Variants in CSHL1 observed in about 807,000 individuals in gnomAD.
CSHL1 encodes the protein chorionic somatomammotropin hormone-like 1.
CSHL1 carries 25 observed loss-of-function variants against 24.3 expected under a neutral mutation model. The observed-to-expected ratio is 1.03, with a 90% CI of 0.75 to 1.44. CSHL1 has a LOEUF of 1.44. Among genes scored for constraint, CSHL1 ranks in the 40% most tolerant of loss-of-function variants. The pLI is 0.00. For missense variants in CSHL1, 342 were observed against 279.3 expected (o/e 1.22, Z -1.60); for synonymous variants, 157 against 115.6 (o/e 1.36, Z -2.30).
intron 4 of CSHL1, 32 bp from the exon 5 acceptor site, chr17:63,909,940 A>G (rs775790170): frequency 6.2e-7 from 1 of 1,614,000 alleles, no homozygotes; most frequent in Non-Finnish European, 8.5e-7. Context: ...GGAGAGACCA[A>G]GCGCTTGGGC....
chr17:63,910,031 G>T (rs189440194), intron 4 of CSHL1, 123 bp from the exon 5 acceptor site: 1 of 1,613,844 alleles, frequency 6.2e-7, no homozygotes, highest in African/African-American at 1.3e-5. Context: ...ATTCACGAGG[G>T]GAAATGAAGA....
At position 63,909,922 on chromosome 17, in the gene CSHL1, C is replaced by G. The variant is rs61762518; in HGVS notation, c.472-14G>C. 5.0e-3 allele frequency: 8,047 copies of G among 1,613,940 alleles called. 306 individuals carry two copies. In the African/African-American group the frequency reaches 0.088, roughly 18 times the overall value. ...GTCTTCCAGCCTCTGCAAAGTGAAG[C>G]AAGAGAAGGAGAGACCAAGCGCTTG... On this transcript the variant is annotated splice_polypyrimidine_tract_variant and intron_variant, in intron 4 of 4. Transcript: ENST00000309894.
intron 4 of CSHL1, 36 bp from the exon 5 acceptor site, chr17:63,909,944 C>T (rs1435975878): frequency 6.2e-7 from 1 of 1,613,900 alleles, no homozygotes; most frequent in Non-Finnish European, 8.5e-7. Flanking sequence ...AGACCAAGCG[C>T]TTGGGCACTG....
At position 63,909,776 on chromosome 17, in the gene CSHL1, C is replaced by G; in HGVS notation, c.604G>C (p.Asp202His). Reference protein sequence around the residue: ...GLLHCFRKDMDKVETFLRMVQ... With the variant: ...GLLHCFRKDMHKVETFLRMVQ... ...ATGCGCAGGAATGTCTCGACCTTGT[C>G]CATGTCCTTCCTGAAGCAGTGGAGC... Residue 202 changes from aspartate (D) to histidine (H), a missense_variant, in exon 5 of 5, where the codon GAC becomes CAC. Asp to His is a moderately conservative substitution (Grantham distance 81). Coordinates refer to ENST00000309894, the MANE Select transcript of CSHL1 (RefSeq NM_022579.3). The G allele has an allele frequency of 1.9e-6, 3 of 1,614,064 alleles. No homozygotes were observed. The highest frequency in any genetic ancestry group is 2.5e-6 in the Non-Finnish European group (3 of 1,179,980).
In CSHL1 at chr17:63,910,267, C is replaced by T. The variant is rs1390757009; in HGVS notation, c.366G>A (p.Arg122=). 5 of 1,614,114 alleles carry T rather than the reference C, an allele frequency of 3.1e-6. No homozygotes were observed. Among genetic ancestry groups the T allele is most frequent in the Non-Finnish European group, 4.2e-6 (5 of 1,180,002 alleles). The change falls in exon 4 of 5, where the codon CGG becomes CGA. Residue 122 remains arginine, a synonymous_variant. Coordinates refer to ENST00000309894, the MANE Select transcript of CSHL1 (RefSeq NM_022579.3). ...TGTTGGTGAAGGTACTCCTGAGGAACCGCACGGGCTCCAGCCGCGACTCGA... is the reference window on the plus strand; with the variant it reads ...TGTTGGTGAAGGTACTCCTGAGGAATCGCACGGGCTCCAGCCGCGACTCGA... ...LLIESRLEPV[R]FLRSTFTNNL... is the part of the protein sequence containing the mutation.
chr17:63,909,657 C>G lies in CSHL1; in HGVS notation c.*54G>C. 9 of 1,613,504 alleles carry G rather than the reference C, an allele frequency of 5.6e-6. No homozygotes were observed. Among genetic ancestry groups the G allele is most frequent in the Non-Finnish European group, 7.6e-6 (9 of 1,179,570 alleles). On this transcript the variant is annotated 3_prime_UTR_variant, in exon 5 of 5. Coordinates refer to ENST00000309894, the MANE Select transcript of CSHL1 (RefSeq NM_022579.3). Reference sequence around the variant, plus strand: ...AAGGCTGGTGGGCACTGGAGTGGCACCTTCAGGGCCAGGAGAGGCACTGGG... The same window carrying G: ...AAGGCTGGTGGGCACTGGAGTGGCAGCTTCAGGGCCAGGAGAGGCACTGGG...
chr17:63,910,015 T>G, intron 4 of CSHL1, 107 bp from the exon 5 acceptor site: 1 of 1,613,968 alleles, frequency 6.2e-7, no homozygotes, highest in Non-Finnish European at 8.5e-7. Flanking sequence ...GAGAAAGGCC[T>G]GGAGGATTCA....
intron 1 of CSHL1, 93 bp downstream of exon 1, chr17:63,911,094 C>T: frequency 1.2e-6 from 2 of 1,611,768 alleles, no homozygotes; most frequent in East Asian, 2.2e-5. Context: ...TTCAGAAGCC[C>T]CAAACCTGAG....
Position 63,910,046 on chromosome 17 carries a change from G to A in CSHL1, c.471+116C>T, listed in dbSNP as rs780254684. The A allele has an allele frequency of 5.6e-6, 9 of 1,614,144 alleles. No homozygotes were observed. In the East Asian group the frequency reaches 2.0e-4, roughly 36 times the overall value. ...ATTCACGAGGGGAAATGAAGAATAAGGTGAGTTCTCTTGGGTCAGCGCCTG... is the reference window on the plus strand; with the variant it reads ...ATTCACGAGGGGAAATGAAGAATAAAGTGAGTTCTCTTGGGTCAGCGCCTG... On this transcript the variant is annotated intron_variant, in intron 4 of 4. Coordinates refer to ENST00000309894, the MANE Select transcript of CSHL1 (RefSeq NM_022579.3).
Position 63,911,041 on chromosome 17 carries a change from CAG to C in CSHL1, c.11-119_11-118del, listed in dbSNP as rs554438252. On this transcript the variant is annotated intron_variant, in intron 1 of 4. Coordinates refer to ENST00000309894, the MANE Select transcript of CSHL1 (RefSeq NM_022579.3). The stretch of plus-strand genomic sequence containing the variant: ...CATCCCTCCAGGGACCAGGAACATT[CAG>C]AGATTGGCCAAATATCTGGCCTTAG... 137 of 1,610,608 alleles carry C rather than the reference CAG, an allele frequency of 8.5e-5. 3 individuals are homozygous for C. In the South Asian group the frequency reaches 1.4e-3, roughly 16 times the overall value.
At position 63,910,213 on chromosome 17, in the gene CSHL1, A is replaced by G; in HGVS notation, c.420T>C (p.Asp140=). Residue 140 remains aspartate (D), a synonymous_variant, in exon 4 of 5, where the codon GAT becomes GAC. Transcript: ENST00000309894. Reference sequence around the variant, plus strand: ...CTAGGTCCTTTAGGAGGTGATAGTCATCGCTGTCCGAGGTGTCATACACCA... The same window carrying G: ...CTAGGTCCTTTAGGAGGTGATAGTCGTCGCTGTCCGAGGTGTCATACACCA... The part of the protein sequence containing the change: ...NNLVYDTSDS[D]DYHLLKDLEE... 1 of 1,614,070 alleles carries G rather than the reference A, an allele frequency of 6.2e-7. No individual in the cohort carries two copies. The highest frequency in any genetic ancestry group is 8.5e-7 in the Non-Finnish European group (1 of 1,180,022).
Position 63,910,310 on chromosome 17 carries a change from T to C in CSHL1, c.323A>G (p.His108Arg), listed in dbSNP as rs151233360. 111 of 1,614,100 alleles carry C rather than the reference T, an allele frequency of 6.9e-5. No homozygotes were observed. Among genetic ancestry groups the C allele is most frequent in the South Asian group, 4.4e-4 (40 of 91,076 alleles). Residue 108 changes from histidine to arginine, a missense_variant, in exon 4 of 5, where the codon CAC becomes CGC. Coordinates refer to ENST00000309894, the MANE Select transcript of CSHL1 (RefSeq NM_022579.3). Reference sequence around the variant, plus strand: ...CGACTCGATGAGCAGCAGGGAGATGTGGAGCAGCTCTAAGTTCTGCAGGGG... The same window carrying C: ...CGACTCGATGAGCAGCAGGGAGATGCGGAGCAGCTCTAAGTTCTGCAGGGG... ...TQQKSNLELL[H>R]ISLLLIESRL...
rs1369260596 is a variant in CSHL1, at chr17:63,910,841, A to G, written c.94T>C (p.Leu32=). Residue 32 remains leucine, a synonymous_variant, in exon 2 of 5, where the codon TTA becomes CTA. Coordinates refer to ENST00000309894, the MANE Select transcript of CSHL1 (RefSeq NM_022579.3). ...ATAGCCTCTTTAAAAAGCCTGGATA[A>G]GGGAACGGTTTGGACGGCACCAGCC... ...QEAGAVQTVP[L]SRLFKEAMLQ... The G allele has an allele frequency of 3.7e-6, 6 of 1,614,048 alleles. No individual in the cohort carries two copies. Among genetic ancestry groups the G allele is most frequent in the African/African-American group, 1.3e-5 (1 of 74,914 alleles).
In CSHL1 at chr17:63,910,994, C is replaced by G. The variant is rs563777941; in HGVS notation, c.11-70G>C. On this transcript the variant is annotated intron_variant, in intron 1 of 4. Coordinates refer to ENST00000309894, the MANE Select transcript of CSHL1 (RefSeq NM_022579.3). ...GCCAGCACTCTCCCTGTTCCAGGAG[C>G]TGTTTTCTTTTTCTCTCTCTCCATC... 1.0e-4 allele frequency: 161 copies of G among 1,611,172 alleles called. 5 individuals carry two copies. The African/African-American group carries it at 1.5e-3, about 15-fold the overall frequency.
Position 63,910,840 on chromosome 17 carries a change from A to G in CSHL1, c.95T>C (p.Leu32Ser). The G allele has an allele frequency of 6.2e-7, 1 of 1,614,122 alleles. No individual in the cohort carries two copies. The highest frequency in any genetic ancestry group is 1.3e-5 in the African/African-American group (1 of 75,028). ...QEAGAVQTVP[L>S]SRLFKEAMLQ... Reference sequence around the variant, plus strand: ...CATAGCCTCTTTAAAAAGCCTGGATAAGGGAACGGTTTGGACGGCACCAGC... The same window carrying G: ...CATAGCCTCTTTAAAAAGCCTGGATGAGGGAACGGTTTGGACGGCACCAGC... The change falls in exon 2 of 5, where the codon TTA becomes TCA. Residue 32 changes from leucine to serine, a missense_variant. Leu to Ser is a moderately radical substitution (Grantham distance 145, BLOSUM62 -2). Coordinates refer to ENST00000309894, the MANE Select transcript of CSHL1 (RefSeq NM_022579.3).
In CSHL1 at chr17:63,909,708, C is replaced by A; in HGVS notation, c.*3G>T. On this transcript the variant is annotated 3_prime_UTR_variant, in exon 5 of 5. Coordinates refer to ENST00000309894, the MANE Select transcript of CSHL1 (RefSeq NM_022579.3). Reference sequence around the variant, plus strand: ...GAGGGGTCACAGGATGCCACGCGGGCCCCTAGAAGCCACAGCTGCCCTCCA... The same window carrying A: ...GAGGGGTCACAGGATGCCACGCGGGACCCTAGAAGCCACAGCTGCCCTCCA... 1 of 1,614,130 alleles carries A rather than the reference C, an allele frequency of 6.2e-7. No individual in the cohort carries two copies.
rs373948204 is a variant in CSHL1, at chr17:63,910,946, A to AT, written c.11-23_11-22insA. The AT allele has an allele frequency of 1.3e-3, 2,127 of 1,611,906 alleles. 26 individuals are homozygous for AT. Among genetic ancestry groups the AT allele is most frequent in the Non-Finnish European group, 1.6e-3 (1,900 of 1,179,818 alleles). ...GAGCCTGGGGAGAAACCGGAGGGCAAGAAGGGAGCCGCAGAGCAAGAGGCC... is the reference window on the plus strand; with the variant it reads ...GAGCCTGGGGAGAAACCGGAGGGCAATGAAGGGAGCCGCAGAGCAAGAGGCC... On this transcript the variant is annotated intron_variant, in intron 1 of 4. Transcript: ENST00000309894.
intron 4 of CSHL1, 22 bp downstream of exon 4, chr17:63,910,140 G>C (rs752057567): frequency 9.9e-6 from 16 of 1,614,048 alleles, no homozygotes; most frequent in Admixed American, 5.0e-5. Context: ...CCAGGATTGG[G>C]GACCCCTGGT....
chr17:63,911,143 C>A (rs1171706037), intron 1 of CSHL1, 44 bp downstream of exon 1: 1 of 1,612,920 alleles, frequency 6.2e-7, no homozygotes, highest in African/African-American at 1.3e-5. Flanking sequence ...GCCGCCTCTC[C>A]CCTCAGGACA....
Sources: gnomAD v4.1 joint callset for allele counts on GRCh38, gnomAD v4.1.1 for gene constraint, MANE v1.5 for transcripts, NCBI Gene and HGNC (gene_info 2026-07-23, HGNC 2026-07-21) for gene names.